The following SLC11A1 variants were observed in gnomAD, a reference collection of about 807,000 sequenced individuals.
SLC11A1 encodes natural resistance-associated macrophage protein 1.
A neutral mutation model predicts 63.2 loss-of-function variants in SLC11A1; 59 were observed. The observed-to-expected ratio is 0.93, with a 90% CI of 0.76 to 1.16. SLC11A1 has a LOEUF of 1.16. Among genes scored for constraint, SLC11A1 ranks in the 50% most tolerant of loss-of-function variants. The pLI is 0.00. For synonymous variants in SLC11A1, 305 were observed against 307.8 expected (o/e 0.99, Z 0.09); for missense variants, 688 against 730.7 (o/e 0.94, Z 0.67).
At chr2:218,386,243 G>A (rs534319318) in intron 4 of SLC11A1, among the ~76,000 whole-genome samples, 3 of 152,060 alleles carry the variant, frequency 2.0e-5, no homozygotes, top group East Asian at 3.9e-4. Context: ...ACCTGAGGTC[G>A]GGAGTTCGAG....
In SLC11A1 at chr2:218,396,766, C is replaced by A; in HGVS notation, c.*1731C>A. 6.5e-6 allele frequency: 1 copy of A among 152,792 alleles called. No homozygotes were observed. The highest frequency in any genetic ancestry group is 1.5e-5 in the Non-Finnish European group (1 of 68,310). 9.5% of individuals were successfully genotyped at this position (152,792 alleles called of 1,614,324 possible). On this transcript the variant is annotated 3_prime_UTR_variant, in exon 15 of 15. Coordinates refer to ENST00000233202, the MANE Select transcript of SLC11A1 (RefSeq NM_000578.4). Reference sequence around the variant, plus strand: ...AGGCATCTCCCAGATCCTTTAGCCTCCTGGAAGTGCCCCCGTTGTACCCCC... The same window carrying A: ...AGGCATCTCCCAGATCCTTTAGCCTACTGGAAGTGCCCCCGTTGTACCCCC...
chr2:218,389,952 C>A lies in SLC11A1; in HGVS notation c.878C>A (p.Ser293Tyr). 6.2e-7 allele frequency: 1 copy of A among 1,614,068 alleles called. No homozygotes were observed. Among genetic ancestry groups the A allele is most frequent in the Non-Finnish European group, 8.5e-7 (1 of 1,179,992 alleles). The change falls in exon 9 of 15, where the codon TCC becomes TAC. Residue 293 changes from serine to tyrosine, a missense_variant. Transcript: ENST00000233202. ...YFLIEATIAL[S>Y]VSFIINLFVM... ...CTGATTGAGGCCACCATCGCCCTGT[C>A]CGTCTCCTTTATCATCAACCTCTTT...
At chr2:218,394,580 C>G in intron 13 of SLC11A1, 52 bp from the exon 14 acceptor site, 4 of 1,589,464 alleles carry the variant, frequency 2.5e-6, no homozygotes, top group Non-Finnish European at 3.4e-6. Flanking sequence ...GGAGTTGATG[C>G]AGGTGGGCCA....
rs1022700487 is a variant in SLC11A1 at position 218,392,048 on chromosome 2, G to A, written c.1164+553G>A. 10 of 373,600 alleles carry A rather than the reference G, an allele frequency of 2.7e-5. No individual in the cohort carries two copies. In the East Asian group the frequency reaches 3.8e-4, roughly 14 times the overall value. 23.1% of individuals were successfully genotyped at this position (373,600 alleles called of 1,614,324 possible). A position where few individuals can be genotyped will look rare whatever the true frequency, so the allele number is the denominator to read the frequency against. On this transcript the variant is annotated intron_variant, in intron 11 of 14. Transcript: ENST00000233202. ...TGGGATTATAGGCGTGAGCCACTGCGTCCGGCCTTTTCTTTTCTTTCTTTC... is the reference window on the plus strand; with the variant it reads ...TGGGATTATAGGCGTGAGCCACTGCATCCGGCCTTTTCTTTTCTTTCTTTC...
chr2:218,395,308 G>A lies in SLC11A1; in HGVS notation c.*273G>A, dbSNP rs17229016. On this transcript the variant is annotated 3_prime_UTR_variant, in exon 15 of 15. Coordinates refer to ENST00000233202, the MANE Select transcript of SLC11A1 (RefSeq NM_000578.4). The stretch of plus-strand genomic sequence containing the variant: ...GCACTTGGGACAAAAACAAACAAAC[G>A]AAAAACATTTCAAAAGGTATTTATT... 0.34 allele frequency: 141,450 copies of A among 410,488 alleles called. 24,985 individuals are homozygous for A. Among genetic ancestry groups the A allele is most frequent in the African/African-American group, 0.41 (20,300 of 49,692 alleles). 25.4% of individuals were successfully genotyped at this position (410,488 alleles called of 1,614,324 possible).
chr2:218,394,495 T>C (rs974832319), intron 13 of SLC11A1, 137 bp from the exon 14 acceptor site: 1 of 974,234 alleles, frequency 1.0e-6, no homozygotes, highest in Admixed American at 2.3e-5. Context: ...GGGGTCTGTC[T>C]GCTCCAGGTC....
rs1696343772 is a variant in SLC11A1 at position 218,390,085 on chromosome 2, C to T, written c.954+57C>T. 2.6e-6 allele frequency: 4 copies of T among 1,552,810 alleles called. No homozygotes were observed. In the East Asian group the frequency reaches 9.0e-5, roughly 35 times the overall value. On this transcript the variant is annotated intron_variant, in intron 9 of 14. Coordinates refer to ENST00000233202, the MANE Select transcript of SLC11A1 (RefSeq NM_000578.4). ...ACACACGTACTCATGTCCTGTAAGCCTTGCCGAGGACCCTAGGCAATGCAG... is the reference window on the plus strand; with the variant it reads ...ACACACGTACTCATGTCCTGTAAGCTTTGCCGAGGACCCTAGGCAATGCAG...
At chr2:218,386,239 G>A (rs1696090860) in intron 4 of SLC11A1, among the ~76,000 whole-genome samples, 1 of 152,164 alleles carries the variant, frequency 6.6e-6, no homozygotes, top group African/African-American at 2.4e-5. Context: ...GATCACCTGA[G>A]GTCGGGAGTT....
In SLC11A1 at chr2:218,394,629, C is replaced by T; in HGVS notation, c.1389-3C>T. ...AGTCCTGAGCCTCTCTCGTGTCCCCCAGGCTGAACAAGGTCGTCACCTCTT... is the reference window on the plus strand; with the variant it reads ...AGTCCTGAGCCTCTCTCGTGTCCCCTAGGCTGAACAAGGTCGTCACCTCTT... On this transcript the variant is annotated splice_polypyrimidine_tract_variant and splice_region_variant and intron_variant, in intron 13 of 14. Coordinates refer to ENST00000233202, the MANE Select transcript of SLC11A1 (RefSeq NM_000578.4). 1 of 1,613,406 alleles carries T rather than the reference C, an allele frequency of 6.2e-7. No homozygotes were observed.
chr2:218,383,123 T>C, intron 2 of SLC11A1, 21 bp downstream of exon 2: 1 of 1,612,064 alleles, frequency 6.2e-7, no homozygotes, highest in Non-Finnish European at 8.5e-7. Context: ...GGAAACTTCC[T>C]GGGGGCTTGC....
In SLC11A1 at chr2:218,384,977, C is replaced by G; in HGVS notation, c.274-170C>G. The stretch of plus-strand genomic sequence containing the variant: ...GACTCAAGCAATCCTCCCACCTTAG[C>G]CTTTTAAAGTGCTGGGATTACAGGG... On this transcript the variant is annotated intron_variant, in intron 3 of 14. Transcript: ENST00000233202. This position sits in a 1 kb window ranked among gnomAD's most constrained non-coding sequence, Gnocchi z 4.0. 1 of 765,896 alleles carries G rather than the reference C, an allele frequency of 1.3e-6. No individual in the cohort carries two copies. The highest frequency in any genetic ancestry group is 2.1e-6 in the Non-Finnish European group (1 of 483,738). 47.4% of individuals were successfully genotyped at this position (765,896 alleles called of 1,614,324 possible).
In SLC11A1 at chr2:218,384,157, G is replaced by T; in HGVS notation, c.151-86G>T. The T allele has an allele frequency of 7.1e-7, 1 of 1,403,094 alleles. No individual in the cohort carries two copies. Among genetic ancestry groups the T allele is most frequent in the Non-Finnish European group, 9.5e-7 (1 of 1,050,614 alleles). The allele number at this position is 1,403,094 out of a possible 1,614,324, so 86.9% of individuals were successfully genotyped here. On this transcript the variant is annotated intron_variant, in intron 2 of 14. Coordinates refer to ENST00000233202, the MANE Select transcript of SLC11A1 (RefSeq NM_000578.4). This position sits in a 1 kb window ranked among gnomAD's most constrained non-coding sequence, Gnocchi z 4.0. Reference sequence around the variant, plus strand: ...CAGGGCTGGGCTGATGAGCCTGTTGGGGCTCCTCTAGGGGATGGCCAAGGC... The same window carrying T: ...CAGGGCTGGGCTGATGAGCCTGTTGTGGCTCCTCTAGGGGATGGCCAAGGC...
intron 12 of SLC11A1, 106 bp from the exon 13 acceptor site, chr2:218,394,014 G>A: frequency 9.2e-7 from 1 of 1,090,006 alleles, no homozygotes; most frequent in Non-Finnish European, 1.4e-6. Context: ...TAGGGCAGTT[G>A]AGCTCACACC....
rs1471814104 is a variant in SLC11A1, at chr2:218,393,039, C to G, written c.1223C>G (p.Ala408Gly). The G allele has an allele frequency of 2.5e-6, 4 of 1,600,476 alleles. No homozygotes were observed. The highest frequency in any genetic ancestry group is 3.4e-6 in the Non-Finnish European group (4 of 1,176,828). ...CGTGTCCTCCTCACCCGCTCCTGCG[C>G]CATCCTGCCCACCGTGCTCGTGGCT... ...FARVLLTRSC[A>G]ILPTVLVAVF... Residue 408 changes from alanine (A) to glycine (G), a missense_variant, in exon 12 of 15, where the codon GCC becomes GGC. By Grantham distance (60) the Ala-to-Gly change is moderately conservative. Transcript: ENST00000233202.
At chr2:218,387,983 C>G in intron 8 of SLC11A1, 28 bp downstream of exon 8, 1 of 1,563,698 alleles carries the variant, frequency 6.4e-7, no homozygotes, top group Non-Finnish European at 8.7e-7. Flanking sequence ...GAAAGGAGAC[C>G]CCCTCACTCA....
intron 8 of SLC11A1, among the ~76,000 whole-genome samples, chr2:218,388,541 C>G (rs1328375378): frequency 6.6e-6 from 1 of 152,038 alleles, no homozygotes; most frequent in Non-Finnish European, 1.5e-5. Context: ...CGCCTGTAAT[C>G]CCAGCACTTC....
In SLC11A1 at chr2:218,394,521, G is replaced by A. The variant is rs1696643363; in HGVS notation, c.1389-111G>A. The A allele has an allele frequency of 9.9e-6, 12 of 1,213,542 alleles. No homozygotes were observed. The South Asian group carries it at 1.6e-4, about 17-fold the overall frequency. The allele number at this position is 1,213,542 out of a possible 1,614,324, so 75.2% of individuals were successfully genotyped here. A position where few individuals can be genotyped will look rare whatever the true frequency, so the allele number is the denominator to read the frequency against. ...GCTCCAGGTCCCACAGACCAGAGAA[G>A]CGGCCTCAGTGTATCCCCACCCCCA... On this transcript the variant is annotated intron_variant, in intron 13 of 14. Transcript: ENST00000233202.
intron 2 of SLC11A1, 111 bp downstream of exon 2, chr2:218,383,213 G>C: frequency 7.9e-7 from 1 of 1,265,214 alleles, no homozygotes; most frequent in South Asian, 1.4e-5. Context: ...GTCCCTTCCA[G>C]GTCTGAGCAG....
chr2:218,382,457 C>G, intron 1 of SLC11A1, 82 bp downstream of exon 1: 3 of 1,513,152 alleles, frequency 2.0e-6, no homozygotes, highest in Non-Finnish European at 1.8e-6. Flanking sequence ...CTTGAGGAAG[C>G]AAGAAAGCCC....
Sources: allele counts gnomAD v4.1 joint callset (sites outside exome capture counted in the v4.1 genomes callset), GRCh38; gene constraint gnomAD v4.1.1; non-coding constraint Gnocchi (gnomAD v3.1); transcripts MANE v1.5; gene names NCBI Gene and HGNC (gene_info 2026-07-23, HGNC 2026-07-21).